Variants in FGD6 observed in about 807,000 individuals in gnomAD.
FGD6 encodes FYVE, RhoGEF and PH domain containing 6.
In FGD6, 90 loss-of-function variants were observed where a neutral mutation model predicts 149.4. The ratio of observed to expected loss-of-function variants is 0.60; its 90% confidence interval spans 0.51 to 0.72. The LOEUF (loss-of-function observed/expected upper bound fraction) is 0.72, where lower values mean the gene tolerates loss of function less well. Among genes scored for constraint, FGD6 ranks in the 30% least tolerant of loss-of-function variants. The probability of loss-of-function intolerance (pLI) is 0.00; values close to 1 mark genes in which losing one functional copy is unlikely to be tolerated. For missense variants in FGD6, 1,437 were observed against 1,684.8 expected (o/e 0.85, Z 2.57); for synonymous variants, 527 against 584.0 (o/e 0.90, Z 1.41).
In FGD6 at chr12:95,158,235, T is replaced by G. The variant is rs1264403452; in HGVS notation, c.2587-5242A>C. On this transcript the variant is annotated intron_variant, in intron 3 of 20. Transcript: ENST00000343958. ...CAGGCTGGAGTGCAGTGGCGTGATCTTGGCTCACTGCAATCTCCGCCTCTT... is the reference window on the plus strand; with the variant it reads ...CAGGCTGGAGTGCAGTGGCGTGATCGTGGCTCACTGCAATCTCCGCCTCTT... 2.0e-5 allele frequency among the ~76,000 whole-genome samples: 3 copies of G among 150,466 alleles called. No individual in the cohort carries two copies. In the South Asian group the frequency reaches 6.4e-4, roughly 32 times the overall value.
rs886302119 is a variant in FGD6, at chr12:95,104,861, C to T, written c.3497+146G>A. 3.3e-5 allele frequency: 21 copies of T among 636,098 alleles called. 2 individuals carry two copies. The highest frequency in any genetic ancestry group is 2.4e-4 in the South Asian group (12 of 49,120). 39.4% of individuals were successfully genotyped at this position (636,098 alleles called of 1,614,324 possible). On this transcript the variant is annotated intron_variant, in intron 14 of 20. Coordinates refer to ENST00000343958, the MANE Select transcript of FGD6 (RefSeq NM_018351.4). The stretch of plus-strand genomic sequence containing the variant: ...CATGGAGGTGGAGGCTGCAGTGAGC[C>T]GTGATTGTGCCACTGCATTCCAGCC...
intron 8 of FGD6, among the ~76,000 whole-genome samples, chr12:95,115,624 C>T (rs966262052): frequency 1.3e-5 from 2 of 152,044 alleles, no homozygotes; most frequent in Non-Finnish European, 2.9e-5. Context: ...CCAGTGGGAA[C>T]TGAGGAAATG....
rs891625709 is a variant in FGD6, at chr12:95,124,416, C to T, written c.3082+10323G>A. ...CACATTTTATTACCTAACAGCCAAG[C>T]GAAGAATAAAGCAAATGTAAGCACC... On this transcript the variant is annotated intron_variant, in intron 8 of 20. Coordinates refer to ENST00000343958, the MANE Select transcript of FGD6 (RefSeq NM_018351.4). 8.5e-5 allele frequency among the ~76,000 whole-genome samples: 13 copies of T among 152,186 alleles called. No individual in the cohort carries two copies. In the South Asian group the frequency reaches 1.0e-3, roughly 12 times the overall value.
chr12:95,141,408 C>T lies in FGD6; in HGVS notation c.2817G>A (p.Leu939=), dbSNP rs756699447. The change falls in exon 6 of 21, where the codon CTG becomes CTA. Residue 939 remains leucine, a synonymous_variant. Coordinates refer to ENST00000343958, the MANE Select transcript of FGD6 (RefSeq NM_018351.4). Reference sequence around the variant, plus strand: ...TTTACCAGTGCAACATTCTTTCCTCCAGTTCCTTCAAGAGATCCCGGTTGA... The same window carrying T: ...TTTACCAGTGCAACATTCTTTCCTCTAGTTCCTTCAAGAGATCCCGGTTGA... The part of the protein sequence containing the change: ...YELNRDLLKE[L]EERMLHWTEQ... The T allele has an allele frequency of 1.2e-6, 2 of 1,613,914 alleles. No homozygotes were observed. The highest frequency in any genetic ancestry group is 2.7e-5 in the African/African-American group (2 of 74,916).
At chr12:95,160,298 G>A (rs1025496091) in intron 3 of FGD6, among the ~76,000 whole-genome samples, 4 of 151,936 alleles carry the variant, frequency 2.6e-5, no homozygotes, top group African/African-American at 9.7e-5. Context: ...TAGTTATTAG[G>A]GAAATGTAAA....
chr12:95,084,265 G>C (rs149239463), intron 20 of FGD6, among the ~76,000 whole-genome samples: 11 of 152,306 alleles, frequency 7.2e-5, no homozygotes, highest in Non-Finnish European at 1.5e-4. Flanking sequence ...AAAATACTTT[G>C]TATAGGACTA....
At chr12:95,090,573 A>AG (rs1394449146) in intron 17 of FGD6, among the ~76,000 whole-genome samples, 1 of 152,212 alleles carries the variant, frequency 6.6e-6, no homozygotes, top group Non-Finnish European at 1.5e-5. Context: ...GTGATGAGGA[A>AG]GGAGAATTCA....
intron 2 of FGD6, among the ~76,000 whole-genome samples, chr12:95,193,504 CCCA>C (rs1881649297): frequency 6.6e-6 from 1 of 151,106 alleles, no homozygotes; most frequent in Non-Finnish European, 1.5e-5. Context: ...ATTACAGATG[CCCA>C]CCACCACACC....
chr12:95,185,589 G>A (rs375433148), intron 2 of FGD6, among the ~76,000 whole-genome samples: 14 of 152,290 alleles, frequency 9.2e-5, no homozygotes, highest in African/African-American at 2.9e-4. Context: ...TAGGCCGGGC[G>A]CAGTGGCTTA....
rs575966416 is a variant in FGD6 at position 95,152,283 on chromosome 12, G to C, written c.2685+528C>G. On this transcript the variant is annotated intron_variant, in intron 5 of 20. Coordinates refer to ENST00000343958, the MANE Select transcript of FGD6 (RefSeq NM_018351.4). Reference sequence around the variant, plus strand: ...TGAAAGGCTGCAGTGAGCTAAGATCGCACCACTGCACCCTAGCCTGGGCAA... The same window carrying C: ...TGAAAGGCTGCAGTGAGCTAAGATCCCACCACTGCACCCTAGCCTGGGCAA... Among the ~76,000 whole-genome samples the C allele has an allele frequency of 3.9e-5, 6 of 152,120 alleles. No individual in the cohort carries two copies. The East Asian group carries it at 1.2e-3, about 29-fold the overall frequency.
chr12:95,110,176 C>T (rs1878769205), intron 9 of FGD6, among the ~76,000 whole-genome samples: 1 of 151,936 alleles, frequency 6.6e-6, no homozygotes, highest in African/African-American at 2.4e-5. Flanking sequence ...CGGGGTTTCA[C>T]CGTGTTAGCC....
chr12:95,108,465 T>C (rs1192464911), intron 10 of FGD6, 38 bp downstream of exon 10: 2 of 1,613,832 alleles, frequency 1.2e-6, no homozygotes, highest in African/African-American at 2.7e-5. Flanking sequence ...GGCTTTCAGG[T>C]TCAAGACCAC....
Position 95,215,629 on chromosome 12 carries a change from C to A in FGD6, c.16+1596G>T, listed in dbSNP as rs527355508. Reference sequence around the variant, plus strand: ...CACAGGAAGTGTCCCACTTTAAACACCACAAAAATTTCTGTGGATTTCTTT... The same window carrying A: ...CACAGGAAGTGTCCCACTTTAAACAACACAAAAATTTCTGTGGATTTCTTT... On this transcript the variant is annotated intron_variant, in intron 1 of 20. Coordinates refer to ENST00000343958, the MANE Select transcript of FGD6 (RefSeq NM_018351.4). Among the ~76,000 whole-genome samples, 5 of 152,314 alleles carry A rather than the reference C, an allele frequency of 3.3e-5. No homozygotes were observed. In the South Asian group the frequency reaches 8.3e-4, roughly 25 times the overall value.
Position 95,217,326 on chromosome 12 carries a change from G to C in FGD6, c.-86C>G, listed in dbSNP as rs374245617. ...CATTGTTCCCACAGTTCGGGTAGGA[G>C]AGAAAAGCCCCCGCAGCGCCCACAT... On this transcript the variant is annotated 5_prime_UTR_variant, in exon 1 of 21. Coordinates refer to ENST00000343958, the MANE Select transcript of FGD6 (RefSeq NM_018351.4). 1 of 1,486,218 alleles carries C rather than the reference G, an allele frequency of 6.7e-7. No individual in the cohort carries two copies. The highest frequency in any genetic ancestry group is 9.0e-7 in the Non-Finnish European group (1 of 1,108,578). The allele number at this position is 1,486,218 out of a possible 1,614,324, so 92.1% of individuals were successfully genotyped here.
rs11107896 is a variant in FGD6, at chr12:95,108,527, G to A, written c.3168C>T (p.His1056=). ...ALAVVIEVAN[H]ANDTMKQGDN... is the part of the protein sequence containing the mutation. Reference sequence around the variant, plus strand: ...CTCCTTGCTTCATGGTGTCATTGGCGTGGTTGGCTACCTCTATAACAACAG... The same window carrying A: ...CTCCTTGCTTCATGGTGTCATTGGCATGGTTGGCTACCTCTATAACAACAG... The change falls in exon 10 of 21, where the codon CAC becomes CAT. Residue 1056 remains histidine, a synonymous_variant. Transcript: ENST00000343958. The A allele has an allele frequency of 0.08, 129,618 of 1,613,858 alleles. 5,916 individuals carry two copies. Among genetic ancestry groups the A allele is most frequent in the East Asian group, 0.18 (8,059 of 44,878 alleles).
Position 95,164,359 on chromosome 12 carries a change from A to G in FGD6, c.2586+8241T>C, listed in dbSNP as rs867241975. The stretch of plus-strand genomic sequence containing the variant: ...CTGGTTCACGCCATTCTCCTGCCTC[A>G]GCAGCTTTGTAAATTCTTAATTGTG... On this transcript the variant is annotated intron_variant, in intron 3 of 20. Transcript: ENST00000343958. 2.7e-5 allele frequency among the ~76,000 whole-genome samples: 4 copies of G among 149,496 alleles called. No individual in the cohort carries two copies. The South Asian group carries it at 8.4e-4, about 31-fold the overall frequency.
chr12:95,172,625 T>A lies in FGD6; in HGVS notation c.2561A>T (p.Glu854Val), dbSNP rs762018897. 7.4e-6 allele frequency: 12 copies of A among 1,610,890 alleles called. No homozygotes were observed. In the South Asian group the frequency reaches 1.2e-4, roughly 16 times the overall value. Residue 854 changes from glutamate to valine, a missense_variant, in exon 3 of 21, where the codon GAG becomes GTG. Around this residue, in one of 2 missense-constraint regions of FGD6, gnomAD observed 1,055 missense variants for 1,146.0 expected, o/e 0.92. Transcript: ENST00000343958. The part of the protein sequence containing the change: ...DDVSSESSKG[E>V]PDPLEDKQDE... ...CTGTTTATCTTCCAGTGGGTCAGGC[T>A]CTCCTTTACTTGACTCAGAGCTGAC...
chr12:95,118,812 T>C (rs1457609270), intron 8 of FGD6, among the ~76,000 whole-genome samples: 4 of 152,194 alleles, frequency 2.6e-5, no homozygotes, highest in Non-Finnish European at 5.9e-5. Flanking sequence ...CTTTGTAAAG[T>C]TTTATGAAGT....
intron 9 of FGD6, among the ~76,000 whole-genome samples, chr12:95,110,573 C>T (rs1171477956): frequency 1.3e-5 from 2 of 151,712 alleles, no homozygotes; most frequent in African/African-American, 4.8e-5. Flanking sequence ...CAGGGCTGGT[C>T]TCAAACTCCT....
Sources: allele counts gnomAD v4.1 joint callset (sites outside exome capture counted in the v4.1 genomes callset), GRCh38; gene constraint gnomAD v4.1.1; regional missense constraint gnomAD v4.1.1; transcripts MANE v1.5; gene names NCBI Gene and HGNC (gene_info 2026-07-23, HGNC 2026-07-21).